The following BCAS2 variants were observed in gnomAD, a reference collection of about 807,000 sequenced individuals.
BCAS2 encodes BCAS2 pre-mRNA processing factor.
A neutral mutation model predicts 35.3 loss-of-function variants in BCAS2; 34 were observed. The ratio of observed to expected loss-of-function variants is 0.96; its 90% CI spans 0.73 to 1.28. The LOEUF is 1.28. BCAS2 is among the 50% of genes most tolerant of loss of function. The pLI is 0.00. For synonymous variants in BCAS2, 75 were observed against 91.6 expected (o/e 0.82, Z 1.03); for missense variants, 221 against 268.1 (o/e 0.82, Z 1.23).
At chr1:114,568,301 C>G (rs1654567938) in intron 6 of BCAS2, 45 bp from the exon 7 acceptor site, 2 of 1,587,938 alleles carry the variant, frequency 1.3e-6, no homozygotes, top group African/African-American at 2.7e-5. Context: ...CAATGTAAAA[C>G]TTCTCTTAGA....
intron 4 of BCAS2, among the ~76,000 whole-genome samples, 172 bp from the exon 5 acceptor site, chr1:114,570,922 T>A (rs1654626592): frequency 6.6e-6 from 1 of 152,214 alleles, no homozygotes; most frequent in African/African-American, 2.4e-5. Context: ...AGTGGTGTGA[T>A]CATGGCTCAC....
rs759213692 is a variant in BCAS2, at chr1:114,575,752, C to G, written c.258-1G>C. The G allele has an allele frequency of 5.0e-6, 8 of 1,610,178 alleles. No homozygotes were observed. Among genetic ancestry groups the G allele is most frequent in the African/African-American group, 1.3e-5 (1 of 74,642 alleles). ...AGAGGAGGGGGCTGGAAGCTCATAT[C>G]TGAAATTAAACAACAAAATAAAATA... On this transcript the variant is annotated splice_acceptor_variant, in intron 3 of 6. Coordinates refer to ENST00000369541, the MANE Select transcript of BCAS2 (RefSeq NM_005872.3). LOFTEE classifies it high-confidence loss of function.
intron 4 of BCAS2, 70 bp from the exon 5 acceptor site, chr1:114,570,820 GT>G (rs1399336977): frequency 2.9e-5 from 32 of 1,100,898 alleles, no homozygotes; most frequent in Non-Finnish European, 4.3e-5. Context: ...ACTTTTTCAA[GT>G]TTTTCTGCCA....
intron 2 of BCAS2, among the ~76,000 whole-genome samples, chr1:114,581,067 A>G (rs1259315637): frequency 2.6e-5 from 4 of 152,220 alleles, no homozygotes; most frequent in African/African-American, 9.6e-5. Flanking sequence ...AATGGTAGCC[A>G]CAAATTTTTG....
chr1:114,579,428 C>T (rs1654837061), intron 2 of BCAS2, among the ~76,000 whole-genome samples: 1 of 152,166 alleles, frequency 6.6e-6, no homozygotes, highest in South Asian at 2.1e-4. Flanking sequence ...TGATTGAATG[C>T]AGTTATCTGA....
chr1:114,579,246 G>A (rs1654833145), intron 2 of BCAS2, among the ~76,000 whole-genome samples: 1 of 152,012 alleles, frequency 6.6e-6, no homozygotes, highest in Non-Finnish European at 1.5e-5. Context: ...CTCCAGCCTG[G>A]GCACCAGAGC....
chr1:114,576,307 G>A (rs973959909), intron 3 of BCAS2, among the ~76,000 whole-genome samples: 9 of 148,972 alleles, frequency 6.0e-5, no homozygotes, highest in Non-Finnish European at 1.3e-4. Flanking sequence ...CCCCAACGCT[G>A]GAGTGCAGTG....
chr1:114,568,016 A>G lies in BCAS2; in HGVS notation c.*114T>C, dbSNP rs1654560159. On this transcript the variant is annotated 3_prime_UTR_variant, in exon 7 of 7. Transcript: ENST00000369541. ...GCAGCCTACACCTTCTATGATTTCT[A>G]AACACTTAAACATCAATGGTTTTGG... is the stretch of plus-strand genomic sequence containing the variant. 1 of 1,383,684 alleles carries G rather than the reference A, an allele frequency of 7.2e-7. No individual in the cohort carries two copies. Among genetic ancestry groups the G allele is most frequent in the East Asian group, 2.3e-5 (1 of 43,456 alleles). The allele number at this position is 1,383,684 out of a possible 1,614,324, so 85.7% of individuals were successfully genotyped here.
Position 114,575,790 on chromosome 1 carries a change from C to T in BCAS2, c.258-39G>A, listed in dbSNP as rs184392955. 2.4e-5 allele frequency: 38 copies of T among 1,597,268 alleles called. No homozygotes were observed. The African/African-American group carries it at 4.5e-4, about 19-fold the overall frequency. On this transcript the variant is annotated intron_variant, in intron 3 of 6. Transcript: ENST00000369541. ...ACAAAATAAAATAAAACCATCTATA[C>T]TGCCAAGCCTTTACATCTCTTCTCA...
intron 6 of BCAS2, among the ~76,000 whole-genome samples, chr1:114,568,630 G>A (rs1392297971): frequency 2.0e-5 from 3 of 151,324 alleles, no homozygotes; most frequent in Non-Finnish European, 4.4e-5. Context: ...GTCTCCTAAT[G>A]TGCTGGGATT....
At position 114,569,987 on chromosome 1, in the gene BCAS2, C is replaced by T. The variant is rs890219169; in HGVS notation, c.551+5G>A. 1.2e-5 allele frequency: 19 copies of T among 1,593,564 alleles called. No individual in the cohort carries two copies. Among genetic ancestry groups the T allele is most frequent in the Non-Finnish European group, 1.4e-5 (16 of 1,162,038 alleles). The stretch of plus-strand genomic sequence containing the variant: ...TTAAAAGATGATGGAATTATAGATA[C>T]TCACTTTGACTCCATTTCTCTCAAT... On this transcript the variant is annotated splice_donor_5th_base_variant and intron_variant, in intron 6 of 6. Transcript: ENST00000369541.
At chr1:114,580,484 T>C (rs1654860803) in intron 2 of BCAS2, among the ~76,000 whole-genome samples, 1 of 152,216 alleles carries the variant, frequency 6.6e-6, no homozygotes, top group Admixed American at 6.5e-5. Flanking sequence ...CCTTCTCTAA[T>C]CCTCTTGTCC....
In BCAS2 at chr1:114,581,604, A is replaced by G. The variant is rs144482876; in HGVS notation, c.-13T>C. 7.1e-4 allele frequency: 1,145 copies of G among 1,612,832 alleles called. 5 individuals are homozygous for G. In the African/African-American group the frequency reaches 0.014, roughly 19 times the overall value. On this transcript the variant is annotated 5_prime_UTR_variant, in exon 1 of 7. Transcript: ENST00000369541. ...CTGTGCCCGCCATTCTGAGGACCTC[A>G]GGTTTGCCTGCGTTTTCTGCGTCTG...
intron 4 of BCAS2, among the ~76,000 whole-genome samples, 187 bp downstream of exon 4, chr1:114,575,403 C>T (rs1382678527): frequency 6.6e-6 from 1 of 151,288 alleles, no homozygotes; most frequent in African/African-American, 2.4e-5. Context: ...CCATGTTGGC[C>T]AGGCTGGTCT....
At chr1:114,580,614 A>C (rs1273349011) in intron 2 of BCAS2, among the ~76,000 whole-genome samples, 1 of 152,184 alleles carries the variant, frequency 6.6e-6, no homozygotes, top group Non-Finnish European at 1.5e-5. Context: ...GTATTCAGAA[A>C]CCCTATCTTT....
chr1:114,572,434 C>T (rs188525465), intron 4 of BCAS2, among the ~76,000 whole-genome samples: 124 of 152,326 alleles, frequency 8.1e-4, no homozygotes, highest in African/African-American at 2.8e-3. Flanking sequence ...CACCCTTCCT[C>T]TTAAATATAC....
intron 4 of BCAS2, among the ~76,000 whole-genome samples, chr1:114,575,189 T>C (rs1202041078): frequency 2.2e-5 from 3 of 138,348 alleles, no homozygotes; most frequent in Non-Finnish European, 4.7e-5. Flanking sequence ...TTCTTTTCTT[T>C]TTTTTTTTTT....
chr1:114,572,819 C>T (rs1006567925), intron 4 of BCAS2, among the ~76,000 whole-genome samples: 2 of 151,990 alleles, frequency 1.3e-5, no homozygotes, highest in South Asian at 2.1e-4. Flanking sequence ...TTGAATACCA[C>T]GTTAAAAAGC....
chr1:114,568,398 C>T (rs1312659327), intron 6 of BCAS2, 142 bp from the exon 7 acceptor site: 4 of 947,474 alleles, frequency 4.2e-6, no homozygotes, highest in African/African-American at 1.7e-5. Context: ...CGGAGTCTCG[C>T]TCTTGTTGCC....
Sources: allele counts gnomAD v4.1 joint callset (sites outside exome capture counted in the v4.1 genomes callset), GRCh38; gene constraint gnomAD v4.1.1; transcripts MANE v1.5; gene names NCBI Gene and HGNC (gene_info 2026-07-23, HGNC 2026-07-21).